The following DCC variants were observed in gnomAD, a reference collection of about 807,000 sequenced individuals.
DCC encodes the protein DCC netrin 1 receptor, also known as netrin receptor DCC.
Under a neutral mutation model 172.5 loss-of-function variants are expected in DCC, and 58 were observed. The observed-to-expected ratio is 0.34, with a 90% CI of 0.27 to 0.42. The LOEUF is 0.42. Among genes scored for constraint, DCC ranks in the 10% least tolerant of loss-of-function variants. The pLI, the probability that DCC is intolerant of heterozygous loss-of-function variation, is 1.00. For missense variants in DCC, 1,740 were observed against 1,791.0 expected (o/e 0.97, Z 0.51); for synonymous variants, 709 against 644.5 (o/e 1.10, Z -1.52).
At chr18:52,805,978 C>G (rs1568115732) in intron 2 of DCC, among the ~76,000 whole-genome samples, 1 of 152,274 alleles carries the variant, frequency 6.6e-6, no homozygotes, top group African/African-American at 2.4e-5. Context: ...TTGAAGGAGA[C>G]AAACTGAAGA....
intron 2 of DCC, among the ~76,000 whole-genome samples, chr18:52,817,593 CT>C (rs1208192578): frequency 6.2e-5 from 9 of 144,426 alleles, no homozygotes; most frequent in Admixed American, 1.3e-4. Context: ...CTCTCTTCCT[CT>C]TTCTAATATA....
chr18:52,474,830 C>T (rs1195627359), intron 1 of DCC, among the ~76,000 whole-genome samples: 1 of 152,196 alleles, frequency 6.6e-6, no homozygotes, highest in African/African-American at 2.4e-5. Context: ...GAAAGACTTT[C>T]TCCTTTATGG....
intron 1 of DCC, among the ~76,000 whole-genome samples, chr18:52,538,970 T>G (rs908561678): frequency 2.6e-5 from 4 of 152,222 alleles, no homozygotes; most frequent in Admixed American, 1.3e-4. Context: ...TTAGCTGGTC[T>G]GAGGCTGATA....
At chr18:52,890,135 A>C (rs946343048) in intron 2 of DCC, among the ~76,000 whole-genome samples, 5 of 152,250 alleles carry the variant, frequency 3.3e-5, no homozygotes, top group East Asian at 3.9e-4. Flanking sequence ...AATAGATTTG[A>C]TTTGGTTTTA....
chr18:53,081,753 G>A (rs73957025), intron 7 of DCC, among the ~76,000 whole-genome samples: 6,661 of 152,022 alleles, frequency 0.044, 461 homozygotes, highest in African/African-American at 0.15. Context: ...AATTGTAATT[G>A]GTGATGGATG....
intron 12 of DCC, among the ~76,000 whole-genome samples, chr18:53,252,268 T>C (rs2056445780): frequency 6.6e-6 from 1 of 151,802 alleles, no homozygotes; most frequent in Non-Finnish European, 1.5e-5. Context: ...CTGCATAGGA[T>C]TTTAGACGAT....
chr18:52,529,689 A>G (rs751148572), intron 1 of DCC, among the ~76,000 whole-genome samples: 6 of 152,146 alleles, frequency 3.9e-5, no homozygotes, highest in East Asian at 1.9e-4. Flanking sequence ...ACTCTGTCCA[A>G]TTATTACACT....
chr18:52,349,237 C>G (rs1467939920), intron 1 of DCC, among the ~76,000 whole-genome samples: 1 of 152,162 alleles, frequency 6.6e-6, no homozygotes, highest in African/African-American at 2.4e-5. Flanking sequence ...ATGGGACAGG[C>G]TAATGAAGAC....
chr18:53,120,005 A>G (rs2043460961), intron 7 of DCC, among the ~76,000 whole-genome samples: 1 of 151,880 alleles, frequency 6.6e-6, no homozygotes, highest in South Asian at 2.1e-4. Context: ...ATTATATTCA[A>G]GTTATAGTCT....
At chr18:52,931,198 C>T (rs1242156975) in intron 5 of DCC, among the ~76,000 whole-genome samples, 1 of 151,984 alleles carries the variant, frequency 6.6e-6, no homozygotes, top group Non-Finnish European at 1.5e-5. Flanking sequence ...TAATCTTTGA[C>T]TACTCTGATA....
intron 1 of DCC, among the ~76,000 whole-genome samples, chr18:52,378,399 G>A (rs7227798): frequency 0.17 from 25,258 of 151,818 alleles, 2,332 homozygotes; most frequent in African/African-American, 0.23. Flanking sequence ...GTAATCCAAC[G>A]AGCCTTTGTT....
At chr18:53,253,766 A>G (rs533811046) in intron 12 of DCC, among the ~76,000 whole-genome samples, 1 of 152,218 alleles carries the variant, frequency 6.6e-6, no homozygotes, top group South Asian at 2.1e-4. Flanking sequence ...CACCTCTCAT[A>G]CAGACTTAAG....
At chr18:52,693,103 C>A (rs184068328) in intron 1 of DCC, among the ~76,000 whole-genome samples, 189 of 151,858 alleles carry the variant, frequency 1.2e-3, no homozygotes, top group African/African-American at 4.4e-3. Flanking sequence ...GATTTCTTAA[C>A]GTTAGGGAAG....
intron 2 of DCC, among the ~76,000 whole-genome samples, chr18:52,853,586 C>T (rs977833054): frequency 6.6e-6 from 1 of 152,130 alleles, no homozygotes. Context: ...GATGCTGTCA[C>T]GATTTCTCTG....
At chr18:53,017,026 T>C (rs2041815939) in intron 5 of DCC, among the ~76,000 whole-genome samples, 1 of 151,952 alleles carries the variant, frequency 6.6e-6, no homozygotes, top group African/African-American at 2.4e-5. Context: ...ACTTTAGTTT[T>C]ATAAAAGGCA....
intron 2 of DCC, among the ~76,000 whole-genome samples, chr18:52,902,058 G>C (rs1434684596): frequency 2.6e-5 from 4 of 152,142 alleles, no homozygotes; most frequent in African/African-American, 2.4e-5. Flanking sequence ...TGTTAGCAGA[G>C]AGCGTGTTCC....
chr18:52,814,115 C>G (rs530416567), intron 2 of DCC, among the ~76,000 whole-genome samples: 13 of 152,186 alleles, frequency 8.5e-5, no homozygotes, highest in Admixed American at 3.9e-4. Flanking sequence ...GTACCCTGTT[C>G]TTTCATTCTC....
chr18:52,947,806 G>A (rs961781164), intron 5 of DCC, among the ~76,000 whole-genome samples: 11 of 152,138 alleles, frequency 7.2e-5, no homozygotes, highest in South Asian at 6.2e-4. Context: ...ACAACCTCAC[G>A]GCAACATTGA....
At chr18:53,528,665 G>A (rs1344305561) in intron 28 of DCC, among the ~76,000 whole-genome samples, 1 of 152,066 alleles carries the variant, frequency 6.6e-6, no homozygotes, top group Admixed American at 6.6e-5. Context: ...ATTTTAAATT[G>A]ACTAGAAGCT....
Sources: allele counts gnomAD v4.1 joint callset (sites outside exome capture counted in the v4.1 genomes callset), GRCh38; gene constraint gnomAD v4.1.1; transcripts MANE v1.5; gene names NCBI Gene and HGNC (gene_info 2026-07-23, HGNC 2026-07-21).